Variants in LIN7A observed in about 807,000 individuals in gnomAD.
LIN7A encodes the protein lin-7 cell polarity scaffold A.
Under a neutral mutation model 29.8 loss-of-function variants are expected in LIN7A, and 25 were observed. The observed-to-expected ratio is 0.84, with a 90% CI of 0.61 to 1.17. LIN7A has a LOEUF of 1.17. Among genes scored for constraint, LIN7A ranks in the 50% most tolerant of loss-of-function variants. The probability of loss-of-function intolerance (pLI) is 0.00; values close to 1 mark genes in which losing one functional copy is unlikely to be tolerated. For missense variants in LIN7A, 239 were observed against 287.0 expected, an observed-to-expected ratio of 0.83 and a Z score of 1.21; for synonymous variants, 118 against 107.5, an observed-to-expected ratio of 1.10 and a Z score of -0.60.
intron 2 of LIN7A, among the ~76,000 whole-genome samples, chr12:80,874,465 A>T (rs1055125451): frequency 1.3e-5 from 2 of 152,174 alleles, no homozygotes; most frequent in Non-Finnish European, 2.9e-5. Context: ...TAGTAACTAA[A>T]TTTTTTACAT....
Position 80,912,491 on chromosome 12 carries a change from G to A in LIN7A, c.83-23122C>T, listed in dbSNP as rs142737183. On this transcript the variant is annotated intron_variant, in intron 1 of 5. Transcript: ENST00000552864. ...AACAATTTGGGAGGCTGAGGTGGGC[G>A]GATCACCTGAGGTAGGAGTTTGAGA... Among the ~76,000 whole-genome samples the A allele has an allele frequency of 6.7e-3, 1,017 of 152,000 alleles. 9 individuals carry two copies. Among genetic ancestry groups the A allele is most frequent in the African/African-American group, 0.023 (967 of 41,434 alleles).
intron 2 of LIN7A, among the ~76,000 whole-genome samples, chr12:80,886,636 T>C (rs1164729630): frequency 6.6e-6 from 1 of 152,078 alleles, no homozygotes; most frequent in Non-Finnish European, 1.5e-5. Flanking sequence ...ACTGTGAATA[T>C]AAAATTAATC....
rs79919291 is a variant in LIN7A at position 80,845,942 on chromosome 12, G to GA, written c.274-4dup. ...GCTGCAAAAGCTGCAACTGTTGCCT[G>GA]AAAAAAAAAAAAAAAGATGGTCTTT... On this transcript the variant is annotated splice_region_variant and splice_polypyrimidine_tract_variant and intron_variant, in intron 3 of 5. Transcript: ENST00000552864. 145,815 of 1,267,908 alleles carry GA rather than the reference G, an allele frequency of 0.12. 62 individuals carry two copies. The highest frequency in any genetic ancestry group is 0.12 in the Non-Finnish European group (113,859 of 939,468). The allele number at this position is 1,267,908 out of a possible 1,614,324, so 78.5% of individuals were successfully genotyped here.
intron 2 of LIN7A, among the ~76,000 whole-genome samples, chr12:80,874,752 G>C (rs1874599289): frequency 6.6e-6 from 1 of 152,186 alleles, no homozygotes; most frequent in African/African-American, 2.4e-5. Flanking sequence ...GGGAGACTGA[G>C]GCAGGCGGAT....
At position 80,793,699 on chromosome 12, in the gene LIN7A, A is replaced by G. The variant is rs1186905190; in HGVS notation, c.*4028T>C. ...TCAGCTTAGTGTATTCCAGGAATCAAATATGAAAGGATAAATGATCTTTTG... is the reference window on the plus strand; with the variant it reads ...TCAGCTTAGTGTATTCCAGGAATCAGATATGAAAGGATAAATGATCTTTTG... On this transcript the variant is annotated 3_prime_UTR_variant, in exon 6 of 6. Transcript: ENST00000552864. 1 of 152,174 alleles carries G rather than the reference A, an allele frequency of 6.6e-6. No homozygotes were observed. The highest frequency in any genetic ancestry group is 1.9e-4 in the East Asian group (1 of 5,200). 9.4% of individuals were successfully genotyped at this position (152,174 alleles called of 1,614,324 possible).
chr12:80,857,176 C>A (rs1426097762), intron 2 of LIN7A, among the ~76,000 whole-genome samples: 1 of 152,190 alleles, frequency 6.6e-6, no homozygotes, highest in Non-Finnish European at 1.5e-5. Flanking sequence ...CTAGTCTTCT[C>A]ATTTTATATT....
rs529301100 is a variant in LIN7A, at chr12:80,807,231, C to G, written c.*4234G>C. On this transcript the variant is annotated intron_variant, in intron 5 of 5. Transcript: ENST00000552864. ...GGACTACAGGCGCCCGCCACCACGC[C>G]CAGCTAATTTTTTTATTTTTAGTAG... is the stretch of plus-strand genomic sequence containing the variant. 2.6e-5 allele frequency among the ~76,000 whole-genome samples: 4 copies of G among 151,842 alleles called. No individual in the cohort carries two copies. The East Asian group carries it at 7.8e-4, about 29-fold the overall frequency.
intron 1 of LIN7A, among the ~76,000 whole-genome samples, chr12:80,904,475 A>G (rs1053222507): frequency 1.3e-5 from 2 of 152,178 alleles, no homozygotes; most frequent in Non-Finnish European, 2.9e-5. Context: ...AGTAACTACC[A>G]TGATAGTCCC....
At chr12:80,919,923 C>T (rs1015957321) in intron 1 of LIN7A, among the ~76,000 whole-genome samples, 1 of 152,070 alleles carries the variant, frequency 6.6e-6, no homozygotes, top group Non-Finnish European at 1.5e-5. Context: ...AAGTCACAAG[C>T]AATTGCAGTC....
intron 5 of LIN7A, among the ~76,000 whole-genome samples, chr12:80,808,844 A>T (rs573819007): frequency 6.6e-6 from 1 of 152,284 alleles, no homozygotes; most frequent in East Asian, 1.9e-4. Context: ...GCAATTTTAG[A>T]TAAAGATACT....
intron 2 of LIN7A, among the ~76,000 whole-genome samples, chr12:80,883,068 CCTT>C (rs1267011409): frequency 6.6e-6 from 1 of 150,520 alleles, no homozygotes; most frequent in African/African-American, 2.5e-5. Context: ...TTCCTTCTTT[CCTT>C]CTTTCTTCTC....
At chr12:80,877,070 C>A (rs989831156) in intron 2 of LIN7A, among the ~76,000 whole-genome samples, 2 of 141,662 alleles carry the variant, frequency 1.4e-5, no homozygotes, top group Middle Eastern at 3.8e-3. Flanking sequence ...TGCAGTGAGT[C>A]GAGATCATGC....
chr12:80,884,991 T>G (rs1047293842), intron 2 of LIN7A, among the ~76,000 whole-genome samples: 1 of 152,134 alleles, frequency 6.6e-6, no homozygotes, highest in Non-Finnish European at 1.5e-5. Flanking sequence ...TGATAGTACA[T>G]AGATTTTTAA....
At chr12:80,917,390 C>T (rs1877079302) in intron 1 of LIN7A, among the ~76,000 whole-genome samples, 1 of 152,146 alleles carries the variant, frequency 6.6e-6, no homozygotes, top group South Asian at 2.1e-4. Context: ...AAAAGCCAAA[C>T]ATAAACTGGC....
intron 1 of LIN7A, among the ~76,000 whole-genome samples, chr12:80,922,399 G>T (rs1877362383): frequency 6.6e-6 from 1 of 152,164 alleles, no homozygotes; most frequent in Non-Finnish European, 1.5e-5. Context: ...AGGAGGCAAA[G>T]ACTATCAGGA....
chr12:80,877,442 A>G (rs1239466067), intron 2 of LIN7A, among the ~76,000 whole-genome samples: 1 of 152,194 alleles, frequency 6.6e-6, no homozygotes, highest in Non-Finnish European at 1.5e-5. Flanking sequence ...TTTCAACAGT[A>G]TGGTTATCTC....
intron 1 of LIN7A, among the ~76,000 whole-genome samples, chr12:80,900,606 G>T (rs1410890567): frequency 7.2e-5 from 11 of 152,006 alleles, no homozygotes; most frequent in Non-Finnish European, 1.6e-4. Context: ...TATTTTTATT[G>T]TTCTGTGGTC....
chr12:80,820,437 C>A (rs1365334792), intron 4 of LIN7A, among the ~76,000 whole-genome samples: 2 of 152,150 alleles, frequency 1.3e-5, no homozygotes, highest in African/African-American at 4.8e-5. Context: ...AAGATCAGTG[C>A]CTTCTAGCAA....
chr12:80,893,105 T>A (rs1398220707), intron 1 of LIN7A, among the ~76,000 whole-genome samples: 1 of 152,162 alleles, frequency 6.6e-6, no homozygotes, highest in Non-Finnish European at 1.5e-5. Flanking sequence ...GAGAGAAAAG[T>A]GAATGAAATG....
Sources: allele counts gnomAD v4.1 joint callset (sites outside exome capture counted in the v4.1 genomes callset), GRCh38; gene constraint gnomAD v4.1.1; transcripts MANE v1.5; gene names NCBI Gene and HGNC (gene_info 2026-07-23, HGNC 2026-07-21).